The following COL22A1 variants were observed in gnomAD, a reference collection of about 807,000 sequenced individuals.
The protein encoded by COL22A1 is collagen type XXII alpha 1 chain, also known as collagen alpha-1(XXII) chain.
COL22A1 carries 221 observed loss-of-function variants against 248.9 expected under a neutral mutation model. That is an observed-to-expected ratio of 0.89 (90% CI 0.80 to 0.99). The LOEUF (loss-of-function observed/expected upper bound fraction) is 0.99, where lower values mean the gene tolerates loss of function less well. Ranked by LOEUF, COL22A1 falls within the 50% of genes least tolerant of loss-of-function variation. The pLI is 0.00. For missense variants in COL22A1, 2,240 were observed against 2,179.0 expected (o/e 1.03, Z -0.56); for synonymous variants, 891 against 793.4 (o/e 1.12, Z -2.07).
At chr8:138,789,516 T>C (rs1312487707) in intron 12 of COL22A1, among the ~76,000 whole-genome samples, 2 of 152,218 alleles carry the variant, frequency 1.3e-5, no homozygotes, top group Non-Finnish European at 2.9e-5. Flanking sequence ...TATCTATATC[T>C]TAGAAGTTTC....
chr8:138,882,325 C>G (rs1348503926), intron 2 of COL22A1, among the ~76,000 whole-genome samples: 2 of 151,902 alleles, frequency 1.3e-5, no homozygotes, highest in African/African-American at 2.4e-5. Flanking sequence ...TTCACACTCC[C>G]TCAAACTCAC....
chr8:138,769,490 A>C (rs1211197681), intron 16 of COL22A1, among the ~76,000 whole-genome samples: 2 of 152,018 alleles, frequency 1.3e-5, no homozygotes, highest in Non-Finnish European at 2.9e-5. Context: ...AGACACCTCC[A>C]AGCTAATGAT....
rs4302884 is a variant in COL22A1, at chr8:138,737,515, G to T, written c.2139+9C>A. ...CGTTGCTATGGAAGAGAATGTAAAAGGTAGTTACCTGCAGCCCCAGCAATC... is the reference window on the plus strand; with the variant it reads ...CGTTGCTATGGAAGAGAATGTAAAATGTAGTTACCTGCAGCCCCAGCAATC... On this transcript the variant is annotated intron_variant, in intron 23 of 64. Transcript: ENST00000303045. The T allele has an allele frequency of 0.018, 27,901 of 1,593,828 alleles. 1,766 individuals are homozygous for T. In the East Asian group the frequency reaches 0.21, roughly 12 times the overall value.
At chr8:138,707,775 G>C (rs1283180331) in intron 30 of COL22A1, among the ~76,000 whole-genome samples, 1 of 152,222 alleles carries the variant, frequency 6.6e-6, no homozygotes, top group East Asian at 1.9e-4. Context: ...AGTGTTGGAA[G>C]TTCTGGCCAG....
intron 55 of COL22A1, among the ~76,000 whole-genome samples, 200 bp from the exon 56 acceptor site, chr8:138,614,120 C>T (rs141879940): frequency 2.2e-4 from 33 of 152,340 alleles, no homozygotes; most frequent in African/African-American, 6.5e-4. Context: ...CACGCAGGCC[C>T]GCATTTGTGC....
intron 7 of COL22A1, among the ~76,000 whole-genome samples, chr8:138,815,406 C>T (rs545048573): frequency 7.2e-5 from 11 of 152,242 alleles, no homozygotes; most frequent in South Asian, 2.1e-4. Context: ...TCAGAGCTGT[C>T]GACAATCTCT....
Position 138,892,549 on chromosome 8 carries a change from G to C in COL22A1, c.-72-9305C>G, listed in dbSNP as rs369771589. Reference sequence around the variant, plus strand: ...TATTCCATCTTCTCTCTCTCACCCAGCCCTGAGCTGTTTTCAGGGGTTAGC... The same window carrying C: ...TATTCCATCTTCTCTCTCTCACCCACCCCTGAGCTGTTTTCAGGGGTTAGC... On this transcript the variant is annotated intron_variant, in intron 1 of 64. Coordinates refer to ENST00000303045, the MANE Select transcript of COL22A1 (RefSeq NM_152888.3). Among the ~76,000 whole-genome samples, 9 of 152,174 alleles carry C rather than the reference G, an allele frequency of 5.9e-5. No homozygotes were observed. The East Asian group carries it at 1.2e-3, about 20-fold the overall frequency.
intron 14 of COL22A1, 34 bp from the exon 15 acceptor site, chr8:138,778,440 G>A: frequency 6.4e-7 from 1 of 1,551,272 alleles, no homozygotes; most frequent in Admixed American, 2.1e-5. Flanking sequence ...AAAGTTTCAG[G>A]GATGGAAAAG....
chr8:138,596,360 T>A (rs1201125716), intron 62 of COL22A1, among the ~76,000 whole-genome samples: 1 of 152,206 alleles, frequency 6.6e-6, no homozygotes, highest in Admixed American at 6.5e-5. Flanking sequence ...GGGGTCACAT[T>A]TCATCTTTCA....
chr8:138,755,871 C>T, intron 18 of COL22A1, 42 bp from the exon 19 acceptor site: 3 of 1,583,258 alleles, frequency 1.9e-6, no homozygotes, highest in Non-Finnish European at 2.6e-6. Flanking sequence ...TTACTGGTGC[C>T]ACCTTCTGTG....
chr8:138,856,491 CGA>C (rs1372435457), intron 3 of COL22A1, among the ~76,000 whole-genome samples: 1 of 141,020 alleles, frequency 7.1e-6, no homozygotes, highest in Non-Finnish European at 1.5e-5. Flanking sequence ...ACAGAGAGAG[CGA>C]GAGAGACAGA....
chr8:138,838,809 G>A lies in COL22A1; in HGVS notation c.733+5275C>T, dbSNP rs1820639949. Among the ~76,000 whole-genome samples, 3 of 152,094 alleles carry A rather than the reference G, an allele frequency of 2.0e-5. No homozygotes were observed. In the South Asian group the frequency reaches 6.2e-4, roughly 32 times the overall value. On this transcript the variant is annotated intron_variant, in intron 4 of 64. Coordinates refer to ENST00000303045, the MANE Select transcript of COL22A1 (RefSeq NM_152888.3). ...AATTGTTTTATGCAAAAAATAGAGGGAGCACCTCGCTGAAGCCAGGGAAGC... is the reference window on the plus strand; with the variant it reads ...AATTGTTTTATGCAAAAAATAGAGGAAGCACCTCGCTGAAGCCAGGGAAGC...
At chr8:138,746,235 C>G (rs1832096085) in intron 22 of COL22A1, among the ~76,000 whole-genome samples, 1 of 152,218 alleles carries the variant, frequency 6.6e-6, no homozygotes, top group Admixed American at 6.5e-5. Context: ...TCTCTCCATG[C>G]CCAGGTTCCA....
chr8:138,869,889 G>C (rs1261411042), intron 3 of COL22A1, among the ~76,000 whole-genome samples: 1 of 152,198 alleles, frequency 6.6e-6, no homozygotes, highest in Admixed American at 6.5e-5. Flanking sequence ...GAACAGCTGG[G>C]TGGGTCACTT....
chr8:138,760,385 G>A, intron 17 of COL22A1, 98 bp from the exon 18 acceptor site: 1 of 1,141,008 alleles, frequency 8.8e-7, no homozygotes, highest in Non-Finnish European at 1.2e-6. Context: ...GCCCACTGTG[G>A]CTAGACTTTT....
chr8:138,872,794 G>A (rs571766596), intron 3 of COL22A1, among the ~76,000 whole-genome samples: 11 of 152,322 alleles, frequency 7.2e-5, no homozygotes, highest in African/African-American at 1.9e-4. Flanking sequence ...CCAGCATCAC[G>A]GCAGACCTTA....
At chr8:138,619,172 C>A (rs950000497) in intron 53 of COL22A1, among the ~76,000 whole-genome samples, 31 of 152,242 alleles carry the variant, frequency 2.0e-4, no homozygotes, top group African/African-American at 7.0e-4. Context: ...TTCATTTTTA[C>A]GTTCTATTAT....
intron 52 of COL22A1, among the ~76,000 whole-genome samples, chr8:138,619,785 T>C (rs1013405206): frequency 2.0e-5 from 3 of 152,172 alleles, no homozygotes; most frequent in Non-Finnish European, 4.4e-5. Context: ...ATCAGAAGCA[T>C]CTTGGTGTGG....
intron 3 of COL22A1, among the ~76,000 whole-genome samples, chr8:138,855,838 G>A (rs915413092): frequency 1.1e-4 from 16 of 152,182 alleles, no homozygotes; most frequent in African/African-American, 3.9e-4. Flanking sequence ...CCCCACCGAC[G>A]TAGCTTCTGA....
Sources: allele counts gnomAD v4.1 joint callset (sites outside exome capture counted in the v4.1 genomes callset), GRCh38; gene constraint gnomAD v4.1.1; transcripts MANE v1.5; gene names NCBI Gene and HGNC (gene_info 2026-07-23, HGNC 2026-07-21).